SHISA9: variants seen among roughly 807,000 people sequenced by gnomAD.
SHISA9 encodes protein shisa-9.
Under a neutral mutation model 38.0 loss-of-function variants are expected in SHISA9, and 13 were observed. The ratio of observed to expected loss-of-function variants is 0.34; its 90% CI spans 0.22 to 0.54. SHISA9 has a LOEUF of 0.54. Among genes scored for constraint, SHISA9 ranks in the 20% least tolerant of loss-of-function variants. The pLI, the probability that SHISA9 is intolerant of heterozygous loss-of-function variation, is 0.91. For missense variants in SHISA9, 538 were observed against 575.8 expected, an observed-to-expected ratio of 0.93 and a Z score of 0.67; for synonymous variants, 275 against 242.0, an observed-to-expected ratio of 1.14 and a Z score of -1.27.
At chr16:13,434,670 G>A in the SHISA9 span, among the ~76,000 whole-genome samples, 46 of 152,048 alleles carry the variant, frequency 3.0e-4, no homozygotes, top group African/African-American at 7.5e-4. Context: ...CGCCCACCTC[G>A]GCGTCCCAAA....
At chr16:13,374,113 T>G in the SHISA9 span, among the ~76,000 whole-genome samples, 2 of 152,216 alleles carry the variant, frequency 1.3e-5, no homozygotes, top group African/African-American at 2.4e-5. Flanking sequence ...TGGCCAGCAT[T>G]AGGCCAAAAT....
At chr16:12,999,325 A>G (rs1157886715) in intron 2 of SHISA9, among the ~76,000 whole-genome samples, 1 of 152,206 alleles carries the variant, frequency 6.6e-6, no homozygotes, top group African/African-American at 2.4e-5. Context: ...AGCTGATACA[A>G]GGAGGCAGAG....
At chr16:13,393,091 G>T in the SHISA9 span, among the ~76,000 whole-genome samples, 1 of 152,180 alleles carries the variant, frequency 6.6e-6, no homozygotes, top group Non-Finnish European at 1.5e-5. Flanking sequence ...CTGGGGGAAG[G>T]TGTGCCCTGA....
At chr16:12,936,771 C>G (rs1222776792) in intron 2 of SHISA9, among the ~76,000 whole-genome samples, 2 of 151,630 alleles carry the variant, frequency 1.3e-5, no homozygotes, top group African/African-American at 4.8e-5. Context: ...GGCCTCAGAT[C>G]TCTACACGAG....
chr16:13,037,121 C>CAG (rs2073082648), intron 2 of SHISA9, among the ~76,000 whole-genome samples: 2 of 144,506 alleles, frequency 1.4e-5, no homozygotes, highest in Non-Finnish European at 3.1e-5. Flanking sequence ...CACACACACA[C>CAG]ACACACACAC....
At chr16:13,394,038 G>T in the SHISA9 span, among the ~76,000 whole-genome samples, 4 of 152,240 alleles carry the variant, frequency 2.6e-5, no homozygotes, top group African/African-American at 9.6e-5. Context: ...GGTTAGCCAT[G>T]TGACTTGCCT....
the SHISA9 span, among the ~76,000 whole-genome samples, chr16:13,367,540 A>G: frequency 3.3e-5 from 5 of 151,556 alleles, no homozygotes; most frequent in African/African-American, 1.2e-4. Flanking sequence ...GGAAAACAAG[A>G]TTTTGGACCC....
rs1207707042 is a variant in SHISA9 at position 13,037,109 on chromosome 16, GACACACACACACAC to G, written c.691+120329_691+120342del. 2.3e-3 allele frequency among the ~76,000 whole-genome samples: 239 copies of G among 105,282 alleles called. 1 individual carries two copies. Among genetic ancestry groups the G allele is most frequent in the Middle Eastern group, 4.8e-3 (1 of 208 alleles). The allele number at this position is 105,282 out of a possible 152,430, so 69.1% of individuals were successfully genotyped here. A position where few individuals can be genotyped will look rare whatever the true frequency, so the allele number is the denominator to read the frequency against. On this transcript the variant is annotated intron_variant, in intron 2 of 4. Transcript: ENST00000558583. Reference sequence around the variant, plus strand: ...CACACCACACACACACACACACACAGACACACACACACACACACACACACACACACACACACACA... The same window carrying G: ...CACACCACACACACACACACACACAGACACACACACACACACACACACACA...
Position 12,926,568 on chromosome 16 carries a change from A to G in SHISA9, c.691+9753A>G, listed in dbSNP as rs150930257. ...TGGAGCTTATGTTACAGTGGGAGAA[A>G]TGGAAAAGTAATCACGTAATTGCAA... On this transcript the variant is annotated intron_variant, in intron 2 of 4. Coordinates refer to ENST00000558583, the MANE Select transcript of SHISA9 (RefSeq NM_001145204.3). Among the ~76,000 whole-genome samples the G allele has an allele frequency of 1.6e-4, 25 of 152,316 alleles. No homozygotes were observed. In the East Asian group the frequency reaches 4.8e-3, roughly 29 times the overall value.
At chr16:13,345,246 C>G in the SHISA9 span, among the ~76,000 whole-genome samples, 1 of 151,958 alleles carries the variant, frequency 6.6e-6, no homozygotes, top group African/African-American at 2.4e-5. Flanking sequence ...TTTCCTGATC[C>G]TCTCCCTCCT....
chr16:13,034,613 T>C (rs2073031551), intron 2 of SHISA9, among the ~76,000 whole-genome samples: 1 of 152,058 alleles, frequency 6.6e-6, no homozygotes, highest in Admixed American at 6.5e-5. Context: ...CTCTTTTCCA[T>C]GTGACTTTGC....
chr16:13,261,741 C>T, the SHISA9 span, among the ~76,000 whole-genome samples: 1 of 152,194 alleles, frequency 6.6e-6, no homozygotes, highest in African/African-American at 2.4e-5. Flanking sequence ...GGTACATCAT[C>T]ATAAACACTT....
chr16:13,359,340 G>C, the SHISA9 span, among the ~76,000 whole-genome samples: 2 of 152,040 alleles, frequency 1.3e-5, no homozygotes, highest in African/African-American at 4.8e-5. Flanking sequence ...AAAAATAGCT[G>C]GGTGTGGTGG....
chr16:12,934,692 C>A (rs1202983665), intron 2 of SHISA9, among the ~76,000 whole-genome samples: 2 of 152,174 alleles, frequency 1.3e-5, no homozygotes, highest in African/African-American at 4.8e-5. Flanking sequence ...TCAAAGTTAT[C>A]AGCCAAGCCC....
the SHISA9 span, among the ~76,000 whole-genome samples, chr16:13,271,773 G>A: frequency 9.9e-5 from 15 of 152,168 alleles, no homozygotes; most frequent in Admixed American, 8.5e-4. Flanking sequence ...GATCTTATGG[G>A]GGGGGTGTGT....
At chr16:13,393,027 G>T in the SHISA9 span, among the ~76,000 whole-genome samples, 4 of 152,208 alleles carry the variant, frequency 2.6e-5, no homozygotes, top group Non-Finnish European at 5.9e-5. Flanking sequence ...CAACGCCCCA[G>T]GATGGGAGAA....
the SHISA9 span, among the ~76,000 whole-genome samples, chr16:13,528,454 C>CT: frequency 6.6e-6 from 1 of 152,050 alleles, no homozygotes; most frequent in African/African-American, 2.4e-5. Context: ...AGCATGTACT[C>CT]TGAACGTGTC....
chr16:13,332,923 A>G, the SHISA9 span, among the ~76,000 whole-genome samples: 1 of 152,186 alleles, frequency 6.6e-6, no homozygotes, highest in Non-Finnish European at 1.5e-5. Flanking sequence ...TTCCTGATGT[A>G]TGCTAAGCTG....
the SHISA9 span, among the ~76,000 whole-genome samples, chr16:13,410,864 C>T: frequency 2.6e-5 from 4 of 152,146 alleles, no homozygotes; most frequent in Non-Finnish European, 5.9e-5. Context: ...TTGACCATAG[C>T]CTGATTTGTA....
Sources: gnomAD v4.1 joint callset for allele counts (sites outside exome capture counted in the v4.1 genomes callset) on GRCh38, gnomAD v4.1.1 for gene constraint, MANE v1.5 for transcripts, NCBI Gene and HGNC (gene_info 2026-07-23, HGNC 2026-07-21) for gene names.